The following NPSR1 variants were observed in gnomAD, a reference collection of about 807,000 sequenced individuals.
NPSR1 encodes the protein neuropeptide S receptor 1, also known as neuropeptide S receptor.
NPSR1 carries 48 observed loss-of-function variants against 46.9 expected under a neutral mutation model. That is an observed-to-expected ratio of 1.02 (90% confidence interval 0.81 to 1.30). NPSR1 has a LOEUF of 1.30. Among genes scored for constraint, NPSR1 ranks in the 50% most tolerant of loss-of-function variants. The pLI is 0.00. For missense variants in NPSR1, 450 were observed against 449.5 expected, an observed-to-expected ratio of 1.00 and a Z score of -0.01; for synonymous variants, 176 against 168.1, an observed-to-expected ratio of 1.05 and a Z score of -0.36.
chr7:34,770,802 C>A (rs1010682513), intron 2 of NPSR1, among the ~76,000 whole-genome samples: 1 of 152,110 alleles, frequency 6.6e-6, no homozygotes, highest in East Asian at 1.9e-4. Flanking sequence ...GGACACAGTT[C>A]TGGAGGCTGG....
intron 2 of NPSR1, among the ~76,000 whole-genome samples, chr7:34,725,187 G>C (rs182687862): frequency 1.7e-4 from 26 of 151,974 alleles, no homozygotes; most frequent in African/African-American, 6.0e-4. Context: ...GAGGGTGAAT[G>C]CAGATACAAC....
chr7:34,784,119 T>A (rs1036451270), intron 3 of NPSR1, among the ~76,000 whole-genome samples: 2 of 152,234 alleles, frequency 1.3e-5, no homozygotes, highest in Admixed American at 1.3e-4. Flanking sequence ...TACAATCATG[T>A]CATCTGCAAA....
chr7:34,821,197 C>T (rs576954040), intron 4 of NPSR1, among the ~76,000 whole-genome samples: 2 of 144,934 alleles, frequency 1.4e-5, no homozygotes, highest in African/African-American at 5.2e-5. Flanking sequence ...CGCAGTGGCG[C>T]GATCTCAGCT....
At chr7:34,803,217 G>A (rs1410584304) in intron 3 of NPSR1, among the ~76,000 whole-genome samples, 1 of 151,828 alleles carries the variant, frequency 6.6e-6, no homozygotes, top group African/African-American at 2.4e-5. Flanking sequence ...CCATTACTGG[G>A]TATTTACCCA....
chr7:34,778,632 G>A (rs1310322945), intron 3 of NPSR1, 67 bp downstream of exon 3: 2 of 1,022,392 alleles, frequency 2.0e-6, no homozygotes, highest in East Asian at 5.0e-5. Context: ...ATTTATCTAA[G>A]GAAAATCATA....
intron 8 of NPSR1, among the ~76,000 whole-genome samples, chr7:34,875,163 C>T (rs1231219243): frequency 6.6e-6 from 1 of 152,184 alleles, no homozygotes; most frequent in South Asian, 2.1e-4. Flanking sequence ...GCATGGAACT[C>T]TTCATGACAA....
intron 5 of NPSR1, among the ~76,000 whole-genome samples, chr7:34,833,254 A>C (rs79622720): frequency 0.016 from 2,489 of 152,308 alleles, 39 homozygotes; most frequent in Non-Finnish European, 0.019. Flanking sequence ...TTTAGTCAAG[A>C]TGCTTAATGT....
intron 5 of NPSR1, 41 bp downstream of exon 5, chr7:34,827,643 C>CGGGGGGGGGGGG: frequency 4.9e-6 from 2 of 405,056 alleles, no homozygotes; most frequent in Admixed American, 3.3e-5. Flanking sequence ...GGGGGTGGGG[C>CGGGGGGGGGGGG]GGGGGGGGCT....
chr7:34,703,031 G>C (rs1195317781), intron 2 of NPSR1, among the ~76,000 whole-genome samples: 1 of 152,176 alleles, frequency 6.6e-6, no homozygotes, highest in Non-Finnish European at 1.5e-5. Context: ...TCCTCCCTTA[G>C]TGATACTTAG....
At chr7:34,829,742 T>C (rs185240647) in intron 5 of NPSR1, among the ~76,000 whole-genome samples, 1 of 152,346 alleles carries the variant, frequency 6.6e-6, no homozygotes, top group African/African-American at 2.4e-5. Context: ...GCCTGTGGGC[T>C]AGCTAGTGTG....
intron 1 of NPSR1, among the ~76,000 whole-genome samples, chr7:34,660,918 C>A (rs1297608941): frequency 1.3e-5 from 2 of 152,180 alleles, no homozygotes; most frequent in African/African-American, 4.8e-5. Context: ...CTTCTTGCCA[C>A]TTAATGCAGT....
At chr7:34,686,442 G>A (rs1431318098) in intron 2 of NPSR1, among the ~76,000 whole-genome samples, 1 of 152,072 alleles carries the variant, frequency 6.6e-6, no homozygotes, top group African/African-American at 2.4e-5. Context: ...GGTAAAGGAG[G>A]TGAGAATACA....
At chr7:34,660,446 C>G (rs1327654423) in intron 1 of NPSR1, among the ~76,000 whole-genome samples, 4 of 152,168 alleles carry the variant, frequency 2.6e-5, no homozygotes, top group South Asian at 2.1e-4. Context: ...AGTTCCAATG[C>G]AAGCCCTTGT....
rs879792853 is a variant in NPSR1, at chr7:34,706,174, A to AT, written c.280+21503dup. Among the ~76,000 whole-genome samples the AT allele has an allele frequency of 8.3e-3, 1,153 of 138,564 alleles. 13 individuals are homozygous for AT. Among genetic ancestry groups the AT allele is most frequent in the African/African-American group, 0.026 (982 of 37,922 alleles). 90.9% of individuals were successfully genotyped at this position (138,564 alleles called of 152,430 possible). A position where few individuals can be genotyped will look rare whatever the true frequency, so the allele number is the denominator to read the frequency against. ...TATCCAATTTTGTCTTTTGTTTCTG[A>AT]TTTTTTTTTTTTTAGATTTCATGCT... On this transcript the variant is annotated intron_variant, in intron 2 of 8. Coordinates refer to ENST00000360581, the MANE Select transcript of NPSR1 (RefSeq NM_207172.2).
At chr7:34,868,010 T>C (rs1293840472) in intron 8 of NPSR1, among the ~76,000 whole-genome samples, 2 of 151,730 alleles carry the variant, frequency 1.3e-5, no homozygotes, top group Non-Finnish European at 2.9e-5. Flanking sequence ...CCAAAAACAA[T>C]GACATTAGGG....
chr7:34,809,806 C>T (rs1788896268), intron 3 of NPSR1, among the ~76,000 whole-genome samples: 1 of 152,260 alleles, frequency 6.6e-6, no homozygotes, highest in African/African-American at 2.4e-5. Context: ...CCTATAGGCC[C>T]CAGTGTGTTT....
intron 2 of NPSR1, among the ~76,000 whole-genome samples, chr7:34,686,976 AAAAAAG>A (rs1792964394): frequency 1.3e-5 from 2 of 151,246 alleles, no homozygotes; most frequent in Admixed American, 6.6e-5. Context: ...AAAAAAAAAA[AAAAAAG>A]AAATGTCTCA....
chr7:34,858,707 G>A (rs1791112809), intron 8 of NPSR1, among the ~76,000 whole-genome samples: 2 of 151,724 alleles, frequency 1.3e-5, no homozygotes, highest in South Asian at 4.1e-4. Flanking sequence ...GCAAGCTTAT[G>A]CAAAGAAACT....
At chr7:34,876,367 T>C (rs13310855) in intron 8 of NPSR1, among the ~76,000 whole-genome samples, 54 of 152,352 alleles carry the variant, frequency 3.5e-4, no homozygotes, top group Non-Finnish European at 5.7e-4. Flanking sequence ...TGATATTAGC[T>C]GTACGTGGTG....
Sources: allele counts gnomAD v4.1 joint callset (sites outside exome capture counted in the v4.1 genomes callset), GRCh38; gene constraint gnomAD v4.1.1; transcripts MANE v1.5; gene names NCBI Gene and HGNC (gene_info 2026-07-23, HGNC 2026-07-21).